C5orf63: variants seen among roughly 807,000 people sequenced by gnomAD.
C5orf63 encodes the protein chromosome 5 open reading frame 63.
A neutral mutation model predicts 13.3 loss-of-function variants in C5orf63; 18 were observed. That is an observed-to-expected ratio of 1.36 (90% CI 0.94 to 2.01). The LOEUF (loss-of-function observed/expected upper bound fraction) is 2.01. Ranked by LOEUF, C5orf63 falls within the 30% of genes most tolerant of loss-of-function variation. The pLI is 0.00. For synonymous variants in C5orf63, 38 were observed against 44.7 expected, an observed-to-expected ratio of 0.85 and a Z score of 0.60; for missense variants, 118 against 127.7, an observed-to-expected ratio of 0.92 and a Z score of 0.36.
At position 127,051,937 on chromosome 5, in the gene C5orf63, T is replaced by G; in HGVS notation, c.182A>C (p.Gln61Pro). 1 of 1,505,664 alleles carries G rather than the reference T, an allele frequency of 6.6e-7. No homozygotes were observed. The allele number at this position is 1,505,664 out of a possible 1,614,324, so 93.3% of individuals were successfully genotyped here. The change falls in exon 5 of 5, where the codon CAG becomes CCG. Residue 61 changes from glutamine to proline, a missense_variant. Coordinates refer to ENST00000296662, the MANE Select transcript of C5orf63 (RefSeq NM_001164478.2). ...LKPYENRFIL[Q>P]EVNITLPENS... ...TTCTGGAAGTGTGATGTTCACCTCC[T>G]GTAAAATGAACTGAAACAGAGACAG...
chr5:127,073,133 A>G (rs1480963870), intron 1 of C5orf63: 1 of 151,988 alleles, frequency 6.6e-6, no homozygotes, highest in Non-Finnish European at 1.5e-5. Flanking sequence ...GCATCGGCGA[A>G]TCACTGGAGG....
chr5:127,042,752 T>C (rs1312991776), downstream of C5orf63: 2 of 152,136 alleles, frequency 1.3e-5, no homozygotes, highest in Non-Finnish European at 2.9e-5. Context: ...ATAAAACAAA[T>C]GATTTGACAA....
intron 4 of C5orf63, among the ~76,000 whole-genome samples, chr5:127,052,214 C>A (rs1753704862): frequency 6.6e-6 from 1 of 152,144 alleles, no homozygotes; most frequent in Non-Finnish European, 1.5e-5. Context: ...TAAAACATGT[C>A]CCAGTTGGGA....
chr5:127,047,905 T>G (rs1419239018), downstream of C5orf63: 45 of 692,872 alleles, frequency 6.5e-5, 1 homozygote, highest in East Asian at 1.2e-3. Context: ...CTTCTGATCC[T>G]TGTAGGGTTG....
intron 3 of C5orf63, among the ~76,000 whole-genome samples, chr5:127,057,362 C>T (rs1753924533): frequency 6.6e-6 from 1 of 152,278 alleles, no homozygotes; most frequent in South Asian, 2.1e-4. Flanking sequence ...GTATTATTCA[C>T]CAAAGTTACT....
chr5:127,058,613 AT>A (rs2126889321), intron 3 of C5orf63: 2 of 313,550 alleles, frequency 6.4e-6, no homozygotes, highest in Non-Finnish European at 1.2e-5. Flanking sequence ...TTTCTAAATG[AT>A]ACATTTTTAA....
At chr5:127,051,284 GA>G, downstream of C5orf63, 1 of 1,223,098 alleles carries the variant, frequency 8.2e-7, no homozygotes, top group Non-Finnish European at 1.0e-6. Context: ...AAATCCCACT[GA>G]ATAGGCTTCA....
At chr5:127,063,715 TG>T (rs1754198924) in intron 2 of C5orf63, among the ~76,000 whole-genome samples, 1 of 152,232 alleles carries the variant, frequency 6.6e-6, no homozygotes, top group South Asian at 2.1e-4. Flanking sequence ...AATGCTGAGC[TG>T]ACATTAACTA....
chr5:127,051,315 A>G lies in C5orf63; in HGVS notation c.*456T>C. 8.1e-7 allele frequency: 1 copy of G among 1,230,332 alleles called. No individual in the cohort carries two copies. The highest frequency in any genetic ancestry group is 1.0e-6 in the Non-Finnish European group (1 of 987,188). 76.2% of individuals were successfully genotyped at this position (1,230,332 alleles called of 1,614,324 possible). ...GCTTCATGCAGATGTATTCCTTAAA[A>G]CATCGCTTTATTGACCGTGCACAGT... On this transcript the variant is annotated 3_prime_UTR_variant, in exon 5 of 5. Coordinates refer to ENST00000296662, the MANE Select transcript of C5orf63 (RefSeq NM_001164478.2).
intron 4 of C5orf63, 75 bp downstream of exon 4, chr5:127,052,538 A>C: frequency 4.5e-5 from 43 of 955,634 alleles, no homozygotes; most frequent in South Asian, 5.8e-5. Context: ...TCCTAAAGGA[A>C]GGATCCAGGC....
At chr5:127,073,051 GCAGT>G (rs1482766926) in intron 1 of C5orf63, 1 of 152,124 alleles carries the variant, frequency 6.6e-6, no homozygotes, top group African/African-American at 2.4e-5. Flanking sequence ...ATTTAAAAAG[GCAGT>G]CAGCTCAGCG....
In C5orf63 at chr5:127,059,034, T is replaced by C. The variant is rs898679492; in HGVS notation, c.-7-32A>G. The C allele has an allele frequency of 6.3e-6, 8 of 1,269,768 alleles. No individual in the cohort carries two copies. In the Admixed American group the frequency reaches 7.9e-5, roughly 13 times the overall value. 78.7% of individuals were successfully genotyped at this position (1,269,768 alleles called of 1,614,324 possible). On this transcript the variant is annotated intron_variant, in intron 2 of 4. Coordinates refer to ENST00000296662, the MANE Select transcript of C5orf63 (RefSeq NM_001164478.2). The stretch of plus-strand genomic sequence containing the variant: ...AAAGAAAAATAAAGCAGTAAACTTA[T>C]GTGCCCTAGACTTTGTTCCTTACAA...
At chr5:127,049,968 G>A (rs1383370527), downstream of C5orf63, among the ~76,000 whole-genome samples, 5 of 152,150 alleles carry the variant, frequency 3.3e-5, no homozygotes, top group African/African-American at 1.2e-4. Flanking sequence ...AGTTCCCAGA[G>A]GCTACCCAGT....
chr5:127,067,368 T>C (rs1471801888), intron 2 of C5orf63, among the ~76,000 whole-genome samples: 2 of 151,628 alleles, frequency 1.3e-5, no homozygotes, highest in African/African-American at 4.8e-5. Flanking sequence ...CATTTAAATC[T>C]CTATTAACAG....
intron 4 of C5orf63, chr5:127,052,370 C>T: frequency 5.3e-6 from 2 of 378,936 alleles, no homozygotes; most frequent in Non-Finnish European, 9.3e-6. Flanking sequence ...GAATGCTGCA[C>T]CTGCTAGTTA....
At chr5:127,058,039 A>G (rs1358693713) in intron 3 of C5orf63, among the ~76,000 whole-genome samples, 1 of 152,082 alleles carries the variant, frequency 6.6e-6, no homozygotes. Flanking sequence ...TATCTTTATT[A>G]AAAAAATTTT....
At chr5:127,055,748 C>A (rs1753859641) in intron 3 of C5orf63, among the ~76,000 whole-genome samples, 1 of 152,066 alleles carries the variant, frequency 6.6e-6, no homozygotes, top group Admixed American at 6.6e-5. Context: ...AAACCAAGAG[C>A]ATGCTAAATT....
At chr5:127,066,420 G>A (rs1754338822) in intron 2 of C5orf63, among the ~76,000 whole-genome samples, 1 of 152,046 alleles carries the variant, frequency 6.6e-6, no homozygotes, top group African/African-American at 2.4e-5. Context: ...TGGATGAGAC[G>A]GGATGGTATG....
intron 3 of C5orf63, among the ~76,000 whole-genome samples, chr5:127,056,220 A>C (rs879020205): frequency 6.6e-6 from 1 of 152,228 alleles, no homozygotes; most frequent in African/African-American, 2.4e-5. Flanking sequence ...TGGGCCAATC[A>C]GAGCCAGTGG....
Sources: gnomAD v4.1 joint callset for allele counts (sites outside exome capture counted in the v4.1 genomes callset) on GRCh38, gnomAD v4.1.1 for gene constraint, MANE v1.5 for transcripts, NCBI Gene and HGNC (gene_info 2026-07-23, HGNC 2026-07-21) for gene names.